The following GRIP1 variants were observed in gnomAD, a reference collection of about 807,000 sequenced individuals.
The protein encoded by GRIP1 is glutamate receptor-interacting protein 1.
A neutral mutation model predicts 129.9 loss-of-function variants in GRIP1; 45 were observed. The ratio of observed to expected loss-of-function variants is 0.35; its 90% CI spans 0.27 to 0.44. The LOEUF (loss-of-function observed/expected upper bound fraction) is 0.44. Ranked by LOEUF, GRIP1 falls within the 20% of genes least tolerant of loss-of-function variation. The pLI, the probability that GRIP1 is intolerant of heterozygous loss-of-function variation, is 1.00. For missense variants in GRIP1, 1,196 were observed against 1,396.8 expected (o/e 0.86, Z 2.29); for synonymous variants, 530 against 520.8 (o/e 1.02, Z -0.24).
At chr12:67,015,604 G>T (rs2042774422) in intron 1 of GRIP1, among the ~76,000 whole-genome samples, 1 of 152,130 alleles carries the variant, frequency 6.6e-6, no homozygotes, top group Non-Finnish European at 1.5e-5. Flanking sequence ...GAGTGAGGAG[G>T]GAGGGAAAAG....
rs566746709 is a variant in GRIP1, at chr12:66,899,421, TG to T, written c.58+169628del. Among the ~76,000 whole-genome samples, 156 of 152,172 alleles carry T rather than the reference TG, an allele frequency of 1.0e-3. 1 individual carries two copies. The highest frequency in any genetic ancestry group is 3.5e-3 in the African/African-American group (145 of 41,522). ...CTCTGTCACCCAGGCAGGAATGCAG[TG>T]GCACGATCATAGCTCAGTACATTCT... is the stretch of plus-strand genomic sequence containing the variant. On this transcript the variant is annotated intron_variant, in intron 1 of 1. Coordinates refer to the GRIP1 transcript ENST00000643019.
rs2058957947 is a variant in GRIP1, at chr12:66,456,207, G to A, written c.1178C>T (p.Ala393Val). 3 of 1,289,554 alleles carry A rather than the reference G, an allele frequency of 2.3e-6. No individual in the cohort carries two copies. Among genetic ancestry groups the A allele is most frequent in the Non-Finnish European group, 2.0e-6 (2 of 988,380 alleles). The allele number at this position is 1,289,554 out of a possible 1,614,324, so 79.9% of individuals were successfully genotyped here. ...CRVPALTFPK[A>V]PPPNSPPALV... ...ATTACGAGGGCTGTTTGGAGGAGGTGCTTTCGGGAATGTCAGGGCTGGTAC... is the reference window on the plus strand; with the variant it reads ...ATTACGAGGGCTGTTTGGAGGAGGTACTTTCGGGAATGTCAGGGCTGGTAC... Residue 393 changes from alanine (A) to valine (V), a missense_variant, in exon 10 of 25, where the codon GCA becomes GTA. Ala to Val is a moderately conservative substitution (Grantham distance 64). Coordinates refer to ENST00000359742, the MANE Select transcript of GRIP1 (RefSeq NM_001366722.1).
At chr12:67,039,774 C>G (rs1436877627) in intron 1 of GRIP1, among the ~76,000 whole-genome samples, 2 of 152,190 alleles carry the variant, frequency 1.3e-5, no homozygotes, top group Admixed American at 1.3e-4. Flanking sequence ...TCCTTGCATG[C>G]ACAGTTCTAG....
intron 1 of GRIP1, among the ~76,000 whole-genome samples, chr12:66,656,779 T>C (rs983766331): frequency 5.3e-5 from 8 of 152,208 alleles, no homozygotes; most frequent in Admixed American, 4.6e-4. Flanking sequence ...GCCTGGCTCT[T>C]GAAGGTATTT....
intron 7 of GRIP1, among the ~76,000 whole-genome samples, chr12:66,466,308 T>C (rs11176203): frequency 0.27 from 41,069 of 152,080 alleles, 6,536 homozygotes; most frequent in African/African-American, 0.44. Flanking sequence ...TAAACATGCT[T>C]GAAGGTAGAG....
At chr12:66,810,369 C>CCAACATG (rs1272021242) in intron 1 of GRIP1, among the ~76,000 whole-genome samples, 2 of 152,066 alleles carry the variant, frequency 1.3e-5, no homozygotes, top group Non-Finnish European at 2.9e-5. Flanking sequence ...ACCAGCCTGG[C>CCAACATG]CAACATGGTG....
chr12:66,920,006 T>C (rs977004169), intron 1 of GRIP1, among the ~76,000 whole-genome samples: 6 of 152,036 alleles, frequency 3.9e-5, no homozygotes, highest in South Asian at 2.1e-4. Context: ...AAGCAAATAA[T>C]TGTCAATAAT....
At chr12:67,037,873 C>T (rs146446825) in intron 1 of GRIP1, among the ~76,000 whole-genome samples, 205 of 152,292 alleles carry the variant, frequency 1.3e-3, no homozygotes, top group Middle Eastern at 6.8e-3. Context: ...GTAGACCGTG[C>T]TTCAACTTAA....
chr12:66,708,263 A>T (rs2035600999), intron 1 of GRIP1, among the ~76,000 whole-genome samples: 2 of 152,004 alleles, frequency 1.3e-5, no homozygotes, highest in Admixed American at 1.3e-4. Flanking sequence ...TGATAAACAG[A>T]ATTAGACACA....
rs931352470 is a variant in GRIP1, at chr12:66,456,202, G to C, written c.1183C>G (p.Pro395Ala). Residue 395 changes from proline (P) to alanine (A), a missense_variant, in exon 10 of 25, where the codon CCT (proline) becomes GCT (alanine). Physicochemically the swap from Pro to Ala is conservative, Grantham distance 27. This residue lies in a region of GRIP1 where 508 missense variants were observed against 587.0 expected (regional missense o/e 0.87). Transcript: ENST00000359742. ...VPALTFPKAP[P>A]PNSPPALVSS... ...GGAACATTACGAGGGCTGTTTGGAG[G>C]AGGTGCTTTCGGGAATGTCAGGGCT... The C allele has an allele frequency of 3.9e-6, 5 of 1,289,158 alleles. No homozygotes were observed. The highest frequency in any genetic ancestry group is 1.5e-5 in the African/African-American group (1 of 65,848). 79.9% of individuals were successfully genotyped at this position (1,289,158 alleles called of 1,614,324 possible).
At chr12:66,814,322 A>G (rs1004512284) in intron 1 of GRIP1, among the ~76,000 whole-genome samples, 1 of 152,108 alleles carries the variant, frequency 6.6e-6, no homozygotes, top group Admixed American at 6.5e-5. Context: ...ATTGGTACAT[A>G]GCAAGAAAAA....
At chr12:66,737,250 C>A (rs1021593230) in intron 1 of GRIP1, among the ~76,000 whole-genome samples, 1 of 152,106 alleles carries the variant, frequency 6.6e-6, no homozygotes, top group Non-Finnish European at 1.5e-5. Context: ...CTCTGTTTCA[C>A]CTCTAGTGAT....
At chr12:66,881,920 T>C (rs1055033636) in intron 1 of GRIP1, among the ~76,000 whole-genome samples, 2 of 152,216 alleles carry the variant, frequency 1.3e-5, no homozygotes, top group African/African-American at 4.8e-5. Flanking sequence ...GAATGCCTGG[T>C]ACAAACCAAG....
chr12:66,552,620 C>T (rs2062178811), intron 2 of GRIP1, among the ~76,000 whole-genome samples: 1 of 152,124 alleles, frequency 6.6e-6, no homozygotes, highest in Non-Finnish European at 1.5e-5. Flanking sequence ...ACTCATCATA[C>T]AGTAATTGTC....
intron 1 of GRIP1, among the ~76,000 whole-genome samples, chr12:67,049,106 C>G (rs1347436016): frequency 1.3e-5 from 2 of 152,110 alleles, no homozygotes; most frequent in Non-Finnish European, 2.9e-5. Context: ...ATTACAGACA[C>G]AAGCCATTGC....
chr12:67,048,211 T>C (rs994529956), intron 1 of GRIP1, among the ~76,000 whole-genome samples: 2 of 151,964 alleles, frequency 1.3e-5, no homozygotes, highest in Non-Finnish European at 2.9e-5. Flanking sequence ...ACTTGAAATT[T>C]GTTTACATAC....
chr12:66,442,655 T>C (rs566389532), intron 13 of GRIP1, among the ~76,000 whole-genome samples: 2 of 152,166 alleles, frequency 1.3e-5, no homozygotes, highest in South Asian at 4.2e-4. Context: ...GCTTAGCCTC[T>C]TGAGTAGCTG....
chr12:66,811,651 C>T (rs944004675), intron 1 of GRIP1, among the ~76,000 whole-genome samples: 1 of 152,044 alleles, frequency 6.6e-6, no homozygotes, highest in Non-Finnish European at 1.5e-5. Context: ...TTCCCTCCCT[C>T]CTTCCCTTCT....
intron 1 of GRIP1, among the ~76,000 whole-genome samples, chr12:66,882,802 C>G (rs1416372675): frequency 6.6e-6 from 1 of 152,160 alleles, no homozygotes; most frequent in African/African-American, 2.4e-5. Context: ...TTTAGCTTCA[C>G]AGTAGCCCTG....
Sources: allele counts gnomAD v4.1 joint callset (sites outside exome capture counted in the v4.1 genomes callset), GRCh38; gene constraint gnomAD v4.1.1; regional missense constraint gnomAD v4.1.1; transcripts MANE v1.5; gene names NCBI Gene and HGNC (gene_info 2026-07-23, HGNC 2026-07-21).